The following KLF7 variants were observed in gnomAD, a reference collection of about 807,000 sequenced individuals.
KLF7 encodes Krueppel-like factor 7.
KLF7 carries 2 observed loss-of-function variants against 27.3 expected under a neutral mutation model. The ratio of observed to expected loss-of-function variants is 0.07; its 90% CI spans 0.03 to 0.23. KLF7 has a LOEUF of 0.23. Ranked by LOEUF, KLF7 falls within the 10% of genes least tolerant of loss-of-function variation. The pLI is 1.00. For synonymous variants in KLF7, 165 were observed against 162.4 expected, an observed-to-expected ratio of 1.02 and a Z score of -0.12; for missense variants, 221 against 394.1, an observed-to-expected ratio of 0.56 and a Z score of 3.72.
chr2:207,145,814 GCA>G (rs151325086), intron 1 of KLF7, among the ~76,000 whole-genome samples: 24,021 of 152,108 alleles, frequency 0.16, 2,219 homozygotes, highest in Middle Eastern at 0.24. Context: ...TCAGCACCTA[GCA>G]CAGTGTGGGG....
chr2:207,142,278 C>A (rs2077964575), intron 1 of KLF7, among the ~76,000 whole-genome samples: 1 of 152,066 alleles, frequency 6.6e-6, no homozygotes, highest in African/African-American at 2.4e-5. Context: ...ATAATGAATG[C>A]CTGGGGAGAA....
chr2:207,151,785 C>T (rs1191607901), intron 1 of KLF7, among the ~76,000 whole-genome samples: 1 of 150,978 alleles, frequency 6.6e-6, no homozygotes, highest in African/African-American at 2.4e-5. Flanking sequence ...TTATTTGGCA[C>T]TCAAAATTTT....
chr2:207,167,046 T>G (rs2078737012), upstream of KLF7: 1 of 1,102,102 alleles, frequency 9.1e-7, no homozygotes, highest in Non-Finnish European at 1.2e-6. Context: ...GTTGCTCGAC[T>G]GTGCGTTAAA....
At chr2:207,156,376 C>A (rs1315222532) in intron 1 of KLF7, among the ~76,000 whole-genome samples, 2 of 152,218 alleles carry the variant, frequency 1.3e-5, no homozygotes, top group Non-Finnish European at 2.9e-5. Context: ...GATGGATCCT[C>A]TGAAATTCTT....
At chr2:207,167,234 A>T, upstream of KLF7, 2 of 1,093,152 alleles carry the variant, frequency 1.8e-6, no homozygotes, top group African/African-American at 3.3e-5. Flanking sequence ...ACATAGAGAG[A>T]TCTGTTACAT....
In KLF7 at chr2:207,145,388, A is replaced by G. The variant is rs1266838289; in HGVS notation, c.102+20079T>C. On this transcript the variant is annotated intron_variant, in intron 1 of 3. Coordinates refer to ENST00000309446, the MANE Select transcript of KLF7 (RefSeq NM_003709.4). Reference sequence around the variant, plus strand: ...ATAATACATCTATTCAACACTGGCAATATACCTACTATATAAAGTATGACA... The same window carrying G: ...ATAATACATCTATTCAACACTGGCAGTATACCTACTATATAAAGTATGACA... Among the ~76,000 whole-genome samples, 3 of 152,364 alleles carry G rather than the reference A, an allele frequency of 2.0e-5. No homozygotes were observed. The South Asian group carries it at 6.2e-4, about 32-fold the overall frequency.
intron 3 of KLF7, 50 bp downstream of exon 3, chr2:207,088,408 C>T (rs761459147): frequency 1.4e-5 from 22 of 1,588,642 alleles, no homozygotes; most frequent in Non-Finnish European, 1.9e-5. Flanking sequence ...ACCCTCCAAC[C>T]CACTTCCCCA....
chr2:207,110,231 C>T (rs2076996484), intron 2 of KLF7, among the ~76,000 whole-genome samples: 1 of 152,248 alleles, frequency 6.6e-6, no homozygotes, highest in Non-Finnish European at 1.5e-5. Flanking sequence ...ACTCAGAAAG[C>T]TTCCAGTATG....
chr2:207,162,482 C>CCAGG (rs959709825), intron 1 of KLF7, among the ~76,000 whole-genome samples: 3 of 152,142 alleles, frequency 2.0e-5, no homozygotes, highest in Non-Finnish European at 2.9e-5. Context: ...CAGTCAGAGC[C>CCAGG]CAGGAATGGA....
intron 1 of KLF7, among the ~76,000 whole-genome samples, chr2:207,137,422 T>A (rs1256997132): frequency 1.3e-5 from 2 of 152,336 alleles, no homozygotes; most frequent in East Asian, 1.9e-4. Context: ...CATCCTGGTA[T>A]CTTTGCCATA....
At chr2:207,107,489 G>A (rs929143661) in intron 2 of KLF7, among the ~76,000 whole-genome samples, 1 of 152,184 alleles carries the variant, frequency 6.6e-6, no homozygotes, top group Admixed American at 6.5e-5. Flanking sequence ...TGGAGCTGCG[G>A]CCGTAAATCA....
At chr2:207,172,909 C>A in the KLF7 span, among the ~76,000 whole-genome samples, 7 of 152,116 alleles carry the variant, frequency 4.6e-5, no homozygotes, top group African/African-American at 1.7e-4. Flanking sequence ...ACTATGAGAG[C>A]AGGAGAGAAG....
chr2:207,134,229 G>A, intron 1 of KLF7: 4 of 1,016,470 alleles, frequency 3.9e-6, no homozygotes, highest in Non-Finnish European at 5.5e-6. Context: ...CTCCTTCTCA[G>A]TTGGGTTAAT....
intron 1 of KLF7, chr2:207,134,186 C>G: frequency 8.8e-7 from 1 of 1,138,198 alleles, no homozygotes; most frequent in Non-Finnish European, 1.2e-6. Context: ...AAAGCAAACT[C>G]ATTTCATTGG....
At chr2:207,150,304 A>C (rs2078206690) in intron 1 of KLF7, among the ~76,000 whole-genome samples, 1 of 152,248 alleles carries the variant, frequency 6.6e-6, no homozygotes, top group African/African-American at 2.4e-5. Flanking sequence ...ATACACACGA[A>C]ATAAATTACA....
In KLF7 at chr2:207,134,079, G is replaced by C. The variant is rs755086645; in HGVS notation, c.103-9675C>G. 21 of 1,534,658 alleles carry C rather than the reference G, an allele frequency of 1.4e-5. No individual in the cohort carries two copies. The South Asian group carries it at 2.0e-4, about 15-fold the overall frequency. Reference sequence around the variant, plus strand: ...CCTTTACACTCACTGGCCAAGACGGGAACATGCCGAACCAGTTACATCATC... The same window carrying C: ...CCTTTACACTCACTGGCCAAGACGGCAACATGCCGAACCAGTTACATCATC... On this transcript the variant is annotated intron_variant, in intron 1 of 3. Transcript: ENST00000309446.
At chr2:207,153,185 C>T (rs1329241535) in intron 1 of KLF7, among the ~76,000 whole-genome samples, 1 of 152,052 alleles carries the variant, frequency 6.6e-6, no homozygotes, top group Admixed American at 6.5e-5. Flanking sequence ...TGATGTTAAA[C>T]AACAGCAAAA....
upstream of KLF7, chr2:207,166,811 G>T (rs2078726168): frequency 2.0e-6 from 2 of 1,009,048 alleles, no homozygotes; most frequent in South Asian, 9.2e-5. Flanking sequence ...CCCACGGGCT[G>T]CCAGGGTGCA....
At chr2:207,110,178 A>C (rs1168982186) in intron 2 of KLF7, 1 of 154,792 alleles carries the variant, frequency 6.5e-6, no homozygotes, top group Non-Finnish European at 1.5e-5. Flanking sequence ...TAGATAAGGC[A>C]ATTTAAATCC....
Sources: gnomAD v4.1 joint callset for allele counts (sites outside exome capture counted in the v4.1 genomes callset) on GRCh38, gnomAD v4.1.1 for gene constraint, MANE v1.5 for transcripts, NCBI Gene and HGNC (gene_info 2026-07-23, HGNC 2026-07-21) for gene names.